Variants in TP63 observed in about 807,000 individuals in gnomAD.
The protein encoded by TP63 is tumor protein p63.
Under a neutral mutation model 82.8 loss-of-function variants are expected in TP63, and 17 were observed. The observed-to-expected ratio is 0.21, with a 90% CI of 0.14 to 0.31. The LOEUF is 0.31. Ranked by LOEUF, TP63 falls within the 10% of genes least tolerant of loss-of-function variation. TP63 has a pLI of 1.00. For synonymous variants in TP63, 330 were observed against 321.7 expected (o/e 1.03, Z -0.28); for missense variants, 648 against 895.3 (o/e 0.72, Z 3.52).
chr3:189,638,979 C>G (rs1024820623), intron 1 of TP63, among the ~76,000 whole-genome samples: 2 of 152,088 alleles, frequency 1.3e-5, no homozygotes, highest in Admixed American at 1.3e-4. Flanking sequence ...GATGCATGCT[C>G]CCAAAGAAAG....
chr3:189,644,424 A>G (rs1413219905), intron 1 of TP63, among the ~76,000 whole-genome samples: 2 of 152,116 alleles, frequency 1.3e-5, no homozygotes, highest in African/African-American at 4.8e-5. Flanking sequence ...TTCACTTATG[A>G]GTTTCTGTTC....
At chr3:189,837,127 TTTCG>T (rs1466184581) in intron 4 of TP63, among the ~76,000 whole-genome samples, 2 of 152,142 alleles carry the variant, frequency 1.3e-5, no homozygotes, top group African/African-American at 4.8e-5. Flanking sequence ...AGAGGTGGTG[TTTCG>T]CAGTCAACAA....
At chr3:189,643,465 A>G (rs931876461) in intron 1 of TP63, among the ~76,000 whole-genome samples, 19 of 151,502 alleles carry the variant, frequency 1.3e-4, no homozygotes, top group African/African-American at 3.9e-4. Context: ...TAAAAAAAAA[A>G]AACCCTCAAT....
chr3:189,597,275 A>G, the TP63 span, among the ~76,000 whole-genome samples: 1 of 152,194 alleles, frequency 6.6e-6, no homozygotes. Flanking sequence ...CCAAGAAGAT[A>G]AAAATCTAAA....
chr3:189,736,224 C>T (rs1720584050), intron 1 of TP63, among the ~76,000 whole-genome samples: 1 of 151,000 alleles, frequency 6.6e-6, no homozygotes, highest in South Asian at 2.1e-4. Context: ...CTGTCTCTCT[C>T]ACCATAAGTA....
At chr3:189,670,711 T>C (rs1053710506) in intron 1 of TP63, among the ~76,000 whole-genome samples, 1 of 151,944 alleles carries the variant, frequency 6.6e-6, no homozygotes, top group African/African-American at 2.4e-5. Context: ...CAGACAAATA[T>C]ACCGGTGGGA....
chr3:189,752,169 A>T (rs905758411), intron 3 of TP63, among the ~76,000 whole-genome samples: 5 of 151,894 alleles, frequency 3.3e-5, no homozygotes, highest in Admixed American at 6.6e-5. Context: ...TTTTTATTTT[A>T]TTTATTTTAT....
intron 1 of TP63, among the ~76,000 whole-genome samples, chr3:189,641,562 A>C (rs1337093439): frequency 1.3e-5 from 2 of 152,132 alleles, no homozygotes; most frequent in Non-Finnish European, 2.9e-5. Flanking sequence ...AAATAGTTTC[A>C]ATGTCTTATT....
intron 1 of TP63, among the ~76,000 whole-genome samples, chr3:189,644,004 A>T (rs868336340): frequency 5.3e-5 from 8 of 152,080 alleles, no homozygotes; most frequent in African/African-American, 1.7e-4. Context: ...GTGGCATCTC[A>T]TCTGCCAGTT....
Position 189,631,484 on chromosome 3 carries a change from C to G in TP63, c.-32C>G, listed in dbSNP as rs978978487. 2 of 1,611,926 alleles carry G rather than the reference C, an allele frequency of 1.2e-6. No individual in the cohort carries two copies. Among genetic ancestry groups the G allele is most frequent in the Non-Finnish European group, 1.7e-6 (2 of 1,178,630 alleles). ...TGTGTATATTTTATATAATTGTTCTCCGTTCGTTGATATCAAAGACAGTTG... is the reference window on the plus strand; with the variant it reads ...TGTGTATATTTTATATAATTGTTCTGCGTTCGTTGATATCAAAGACAGTTG... On this transcript the variant is annotated 5_prime_UTR_variant, in exon 1 of 14. Coordinates refer to ENST00000264731, the MANE Select transcript of TP63 (RefSeq NM_003722.5).
chr3:189,663,333 G>T (rs1714091170), intron 1 of TP63, among the ~76,000 whole-genome samples: 1 of 151,916 alleles, frequency 6.6e-6, no homozygotes, highest in South Asian at 2.1e-4. Flanking sequence ...TTTCATCAAT[G>T]AAAGAAATTA....
intron 7 of TP63, 24 bp downstream of exon 7, chr3:189,867,966 C>T: frequency 6.3e-7 from 1 of 1,591,528 alleles, no homozygotes. Flanking sequence ...GTAAAATTGT[C>T]ATTCTACACA....
At chr3:189,767,953 T>A (rs1022544879) in intron 3 of TP63, among the ~76,000 whole-genome samples, 2 of 152,188 alleles carry the variant, frequency 1.3e-5, no homozygotes, top group Non-Finnish European at 2.9e-5. Flanking sequence ...ATATTTGATA[T>A]TTAATCCAGG....
the TP63 span, among the ~76,000 whole-genome samples, chr3:189,619,734 G>T: frequency 2.7e-3 from 412 of 152,256 alleles, no homozygotes; most frequent in Middle Eastern, 6.8e-3. Flanking sequence ...ACTGCCAAAA[G>T]CCCGAATCTG....
intron 3 of TP63, among the ~76,000 whole-genome samples, chr3:189,791,746 G>A (rs908939112): frequency 1.4e-4 from 22 of 152,106 alleles, no homozygotes; most frequent in African/African-American, 3.6e-4. Flanking sequence ...TATTACGTAC[G>A]AACAACTTTC....
chr3:189,794,705 C>T (rs532997584), intron 3 of TP63, among the ~76,000 whole-genome samples: 1 of 151,932 alleles, frequency 6.6e-6, no homozygotes, highest in Admixed American at 6.6e-5. Flanking sequence ...CAATGAAAAG[C>T]CATGGAAGGA....
At chr3:189,775,289 G>A (rs1723709185) in intron 3 of TP63, among the ~76,000 whole-genome samples, 1 of 150,438 alleles carries the variant, frequency 6.6e-6, no homozygotes, top group Non-Finnish European at 1.5e-5. Context: ...ATATAAAGAA[G>A]TCATTTGCTG....
intron 10 of TP63, chr3:189,880,196 T>A (rs1467234870): frequency 6.2e-7 from 1 of 1,609,958 alleles, no homozygotes; most frequent in African/African-American, 1.3e-5. Context: ...TCTCTATATT[T>A]TAAGTGTGTG....
intron 1 of TP63, among the ~76,000 whole-genome samples, chr3:189,700,759 A>G (rs1051063628): frequency 2.6e-5 from 4 of 152,186 alleles, no homozygotes; most frequent in African/African-American, 9.6e-5. Flanking sequence ...AGGAGTGTCT[A>G]GTAGCACTGA....
Sources: allele counts gnomAD v4.1 joint callset (sites outside exome capture counted in the v4.1 genomes callset), GRCh38; gene constraint gnomAD v4.1.1; transcripts MANE v1.5; gene names NCBI Gene and HGNC (gene_info 2026-07-23, HGNC 2026-07-21).